ACBD6: variants seen among roughly 807,000 people sequenced by gnomAD.
ACBD6 encodes acyl-CoA binding domain containing 6.
ACBD6 carries 28 observed loss-of-function variants against 37.2 expected under a neutral mutation model. The observed-to-expected ratio is 0.75, with a 90% CI of 0.56 to 1.03. The LOEUF is 1.03. Ranked by LOEUF, ACBD6 falls within the 50% of genes least tolerant of loss-of-function variation. The pLI is 0.00. For synonymous variants in ACBD6, 113 were observed against 126.8 expected (o/e 0.89, Z 0.73); for missense variants, 340 against 337.4 (o/e 1.01, Z -0.06).
intron 4 of ACBD6, among the ~76,000 whole-genome samples, chr1:180,428,249 A>G (rs1431392420): frequency 6.6e-6 from 1 of 152,232 alleles, no homozygotes; most frequent in Non-Finnish European, 1.5e-5. Flanking sequence ...AAAGGTTCAT[A>G]TTTCATTCAA....
intron 6 of ACBD6, among the ~76,000 whole-genome samples, chr1:180,326,998 G>A (rs1365457418): frequency 1.3e-5 from 2 of 152,078 alleles, no homozygotes; most frequent in African/African-American, 2.4e-5. Context: ...GGGATGGCAC[G>A]AGCACTCCCT....
exon 14 of ACBD6, chr1:180,271,859 A>C: frequency 3.1e-6 from 5 of 1,613,868 alleles, no homozygotes; most frequent in Non-Finnish European, 4.2e-6. Context: ...CAGAAGGGCC[A>C]AAGAGAAACG....
intron 7 of ACBD6, among the ~76,000 whole-genome samples, chr1:180,304,337 T>C (rs1437764459): frequency 6.6e-6 from 1 of 150,880 alleles, no homozygotes; most frequent in African/African-American, 2.4e-5. Flanking sequence ...GCAGATGACA[T>C]GACTGTGTAT....
At chr1:180,357,090 G>A (rs1652659432) in intron 6 of ACBD6, among the ~76,000 whole-genome samples, 2 of 152,184 alleles carry the variant, frequency 1.3e-5, no homozygotes, top group South Asian at 4.1e-4. Context: ...GATTTTTAAT[G>A]ACACTACTGA....
rs115295970 is a variant in ACBD6, at chr1:180,294,750, G to A, written c.695-6233C>T. 3.0e-3 allele frequency among the ~76,000 whole-genome samples: 449 copies of A among 151,236 alleles called. 2 individuals carry two copies. The highest frequency in any genetic ancestry group is 9.5e-3 in the African/African-American group (393 of 41,224). ...CACTTTGTTACTCAGGCTGGAGTGC[G>A]GTGGCACAATCATAACTCACTGCAT... is the stretch of plus-strand genomic sequence containing the variant. On this transcript the variant is annotated intron_variant, in intron 7 of 7. Coordinates refer to ENST00000367595, the MANE Select transcript of ACBD6 (RefSeq NM_032360.4).
chr1:180,440,920 C>A (rs1466613704), intron 3 of ACBD6, among the ~76,000 whole-genome samples: 1 of 152,094 alleles, frequency 6.6e-6, no homozygotes, highest in Admixed American at 6.5e-5. Context: ...TATATGTATA[C>A]AACAATGCCA....
rs145617835 is a variant in ACBD6 at position 180,274,001 on chromosome 1, C to G, written c.*1048G>C. On this transcript the variant is annotated 3_prime_UTR_variant, in exon 11 of 14. Transcript: ENST00000642319. ...CTTTGCAGGTGTTTCTTGTTTTTCT[C>G]CTTGGCCTGGGTTGGCCTCTGGATA... 7.4e-5 allele frequency: 48 copies of G among 652,300 alleles called. No individual in the cohort carries two copies. In the African/African-American group the frequency reaches 7.8e-4, roughly 11 times the overall value. 40.4% of individuals were successfully genotyped at this position (652,300 alleles called of 1,614,324 possible).
At chr1:180,382,567 C>A (rs555737285) in intron 6 of ACBD6, among the ~76,000 whole-genome samples, 6 of 152,162 alleles carry the variant, frequency 3.9e-5, no homozygotes, top group Non-Finnish European at 8.8e-5. Context: ...GATAAAAAGT[C>A]TCTCAACAAA....
At chr1:180,437,815 G>A (rs963868742) in intron 3 of ACBD6, among the ~76,000 whole-genome samples, 4 of 152,204 alleles carry the variant, frequency 2.6e-5, no homozygotes, top group African/African-American at 9.6e-5. Flanking sequence ...AAGCCTTCTA[G>A]AGAAGGCCCT....
chr1:180,375,207 C>T (rs1336977948), intron 6 of ACBD6, among the ~76,000 whole-genome samples: 1 of 152,108 alleles, frequency 6.6e-6, no homozygotes, highest in Non-Finnish European at 1.5e-5. Context: ...ATTATAAAGC[C>T]TTTTAATTAA....
chr1:180,475,568 AG>A (rs1356036118), intron 3 of ACBD6, among the ~76,000 whole-genome samples: 5 of 152,002 alleles, frequency 3.3e-5, no homozygotes, highest in African/African-American at 9.7e-5. Context: ...TTATTTTTGT[AG>A]AGATGAGGTC....
chr1:180,332,253 C>T (rs990337884), intron 6 of ACBD6, among the ~76,000 whole-genome samples: 16 of 152,178 alleles, frequency 1.1e-4, no homozygotes, highest in Admixed American at 9.8e-4. Context: ...AAACCTCCAC[C>T]ATTTCCTACC....
chr1:180,488,581 CTTTT>C (rs1289621354), intron 3 of ACBD6, among the ~76,000 whole-genome samples: 1 of 144,612 alleles, frequency 6.9e-6, no homozygotes, highest in East Asian at 2.0e-4. Flanking sequence ...TGTTAGTTGG[CTTTT>C]TTTTTTTGAG....
intron 6 of ACBD6, among the ~76,000 whole-genome samples, chr1:180,336,671 A>G (rs555538553): frequency 6.6e-6 from 1 of 152,110 alleles, no homozygotes; most frequent in African/African-American, 2.4e-5. Flanking sequence ...TCAGAGCAGA[A>G]CTGAAGGAGA....
chr1:180,388,382 A>G (rs1653926851), intron 6 of ACBD6, among the ~76,000 whole-genome samples: 1 of 152,154 alleles, frequency 6.6e-6, no homozygotes, highest in Admixed American at 6.5e-5. Context: ...AAGACCCCTC[A>G]TCTAAGCATT....
intron 3 of ACBD6, among the ~76,000 whole-genome samples, chr1:180,461,121 C>T (rs1383438051): frequency 1.3e-5 from 2 of 152,056 alleles, no homozygotes; most frequent in African/African-American, 4.8e-5. Context: ...GTATTAATAG[C>T]AGAAGAGACC....
At chr1:180,397,660 A>C in intron 5 of ACBD6, 55 bp from the exon 6 acceptor site, 3 of 1,375,870 alleles carry the variant, frequency 2.2e-6, no homozygotes, top group Non-Finnish European at 3.1e-6. Context: ...GCCATGTAAA[A>C]GATATAATGT....
chr1:180,425,947 T>C (rs1054302003), intron 4 of ACBD6, among the ~76,000 whole-genome samples: 4 of 152,366 alleles, frequency 2.6e-5, no homozygotes, highest in African/African-American at 9.6e-5. Flanking sequence ...CAGCAGCCAA[T>C]GAAAAGATAT....
chr1:180,440,720 C>G (rs1196148214), intron 3 of ACBD6, among the ~76,000 whole-genome samples: 1 of 152,026 alleles, frequency 6.6e-6, no homozygotes, highest in East Asian at 1.9e-4. Context: ...CCCCTCTCCC[C>G]CAAAACCTTG....
Sources: allele counts gnomAD v4.1 joint callset (sites outside exome capture counted in the v4.1 genomes callset), GRCh38; gene constraint gnomAD v4.1.1; transcripts MANE v1.5; gene names NCBI Gene and HGNC (gene_info 2026-07-23, HGNC 2026-07-21).